PLEKHH2: variants seen among roughly 807,000 people sequenced by gnomAD.
PLEKHH2 encodes pleckstrin homology domain-containing family H member 2.
A neutral mutation model predicts 187.9 loss-of-function variants in PLEKHH2; 129 were observed. The observed-to-expected ratio is 0.69, with a 90% CI of 0.59 to 0.79. The LOEUF (loss-of-function observed/expected upper bound fraction) is 0.79, where lower values mean the gene tolerates loss of function less well. PLEKHH2 is among the 30% of genes least tolerant of loss of function. The pLI is 0.00. For synonymous variants in PLEKHH2, 686 were observed against 605.6 expected (o/e 1.13, Z -1.95); for missense variants, 2,076 against 1,751.2 (o/e 1.19, Z -3.31).
intron 19 of PLEKHH2, among the ~76,000 whole-genome samples, chr2:43,733,044 C>G (rs1415337547): frequency 6.6e-6 from 1 of 152,146 alleles, no homozygotes; most frequent in East Asian, 1.9e-4. Flanking sequence ...TAGAGGACAT[C>G]AGACATGACA....
intron 2 of PLEKHH2, among the ~76,000 whole-genome samples, chr2:43,672,641 G>A (rs376285156): frequency 3.9e-5 from 6 of 152,132 alleles, no homozygotes; most frequent in African/African-American, 1.4e-4. Flanking sequence ...TAATTTCACA[G>A]GTTATTTGAA....
chr2:43,743,914 G>A lies in PLEKHH2; in HGVS notation c.3480G>A (p.Ala1160=), dbSNP rs200204470. 5.6e-6 allele frequency: 9 copies of A among 1,613,890 alleles called. No individual in the cohort carries two copies. In the East Asian group the frequency reaches 6.7e-5, roughly 12 times the overall value. The change falls in exon 23 of 30, where the codon GCG becomes GCA. Residue 1160 remains alanine (A), a synonymous_variant. Coordinates refer to ENST00000282406, the MANE Select transcript of PLEKHH2 (RefSeq NM_172069.4). ...AGGACACAGGAATGAGGAAACCAGC[G>A]CAGTCTGGATTTGCGTTGTTCACTG... The part of the protein sequence containing the change: ...LNQDTGMRKP[A]QSGFALFTDD...
intron 1 of PLEKHH2, among the ~76,000 whole-genome samples, chr2:43,639,677 GAC>G (rs1703278884): frequency 9.9e-6 from 1 of 100,652 alleles, no homozygotes; most frequent in Non-Finnish European, 1.8e-5. Context: ...TTTTTTTTGA[GAC>G]AGAGTCTCAC....
At chr2:43,711,189 G>T in intron 14 of PLEKHH2, 1 of 985,488 alleles carries the variant, frequency 1.0e-6, no homozygotes. Context: ...CTTTATTTCT[G>T]AAATGTCTTC....
chr2:43,735,591 A>T (rs1671252937), intron 19 of PLEKHH2, among the ~76,000 whole-genome samples: 1 of 152,250 alleles, frequency 6.6e-6, no homozygotes, highest in African/African-American at 2.4e-5. Flanking sequence ...AATGTTCCCA[A>T]CACAAAGAAA....
At chr2:43,680,756 C>T (rs1358774372) in intron 3 of PLEKHH2, 3 of 394,394 alleles carry the variant, frequency 7.6e-6, no homozygotes, top group South Asian at 2.4e-5. Context: ...CTATATGTGG[C>T]AGCCGTACAA....
At chr2:43,711,646 C>T (rs891913653) in intron 14 of PLEKHH2, 7 of 850,966 alleles carry the variant, frequency 8.2e-6, no homozygotes, top group Non-Finnish European at 9.9e-6. Context: ...AATCTCAGCA[C>T]TTCAGGAGGC....
At chr2:43,716,415 T>C (rs1424426596) in intron 15 of PLEKHH2, among the ~76,000 whole-genome samples, 1 of 152,188 alleles carries the variant, frequency 6.6e-6, no homozygotes, top group East Asian at 1.9e-4. Flanking sequence ...GACAATGTTA[T>C]TTACTAAGAG....
intron 15 of PLEKHH2, among the ~76,000 whole-genome samples, chr2:43,720,278 ATCTTT>A (rs1260725182): frequency 1.0e-5 from 1 of 98,640 alleles, no homozygotes; most frequent in Non-Finnish European, 2.0e-5. Flanking sequence ...TAACAGGTAA[ATCTTT>A]TTTTTTTTTT....
Position 43,731,569 on chromosome 2 carries a change from A to C in PLEKHH2, c.2910A>C (p.Glu970Asp), listed in dbSNP as rs149630291. 4.1e-4 allele frequency: 655 copies of C among 1,594,576 alleles called. 2 individuals are homozygous for C. The African/African-American group carries it at 8.0e-3, about 19-fold the overall frequency. ...CCCCTCTGACAACTCTACCTTCCGA[A>C]GCCCTGCAGACAGAAGCTATTAAAT... is the stretch of plus-strand genomic sequence containing the variant. ...IISPLTTLPSEALQTEAIKLF... is the reference protein window; with the variant it reads ...IISPLTTLPSDALQTEAIKLF... Residue 970 changes from glutamate to aspartate, a missense_variant, in exon 19 of 30, where the codon GAA becomes GAC. Transcript: ENST00000282406.
rs1210926537 is a variant in PLEKHH2, at chr2:43,669,120, T to A, written c.124-9743T>A. The stretch of plus-strand genomic sequence containing the variant: ...ACTAAGGCCCCTACTTGGGCAAAGT[T>A]GAAGTTCATGGAGTTCCAGCAATCT... On this transcript the variant is annotated intron_variant, in intron 2 of 29. Coordinates refer to ENST00000282406, the MANE Select transcript of PLEKHH2 (RefSeq NM_172069.4). Among the ~76,000 whole-genome samples, 3 of 152,166 alleles carry A rather than the reference T, an allele frequency of 2.0e-5. No individual in the cohort carries two copies. The East Asian group carries it at 5.8e-4, about 29-fold the overall frequency.
At chr2:43,678,039 G>A (rs1356718005) in intron 2 of PLEKHH2, among the ~76,000 whole-genome samples, 32 of 151,394 alleles carry the variant, frequency 2.1e-4, no homozygotes, top group Admixed American at 1.5e-3. Flanking sequence ...CAGACGAGGC[G>A]GCCTGGCAGA....
chr2:43,741,717 C>T (rs73923865), intron 21 of PLEKHH2, among the ~76,000 whole-genome samples: 5,980 of 152,254 alleles, frequency 0.039, 217 homozygotes, highest in African/African-American at 0.092. Flanking sequence ...CCTCTGTGAT[C>T]AAGGTCATCT....
chr2:43,719,591 C>T (rs1344729735), intron 15 of PLEKHH2, among the ~76,000 whole-genome samples: 1 of 152,172 alleles, frequency 6.6e-6, no homozygotes, highest in African/African-American at 2.4e-5. Flanking sequence ...AGATGTCCAC[C>T]ACCACGCCTG....
chr2:43,674,309 C>A (rs1197926467), intron 2 of PLEKHH2, among the ~76,000 whole-genome samples: 1 of 152,042 alleles, frequency 6.6e-6, no homozygotes. Context: ...AAAATCCAGG[C>A]TAAGTAAGGC....
intron 16 of PLEKHH2, among the ~76,000 whole-genome samples, chr2:43,723,227 G>A (rs989758023): frequency 1.3e-5 from 2 of 152,106 alleles, no homozygotes; most frequent in Non-Finnish European, 1.5e-5. Flanking sequence ...TAGGAGAGGC[G>A]AAATTTTACC....
chr2:43,734,920 G>C (rs1247635060), intron 19 of PLEKHH2, among the ~76,000 whole-genome samples: 1 of 152,198 alleles, frequency 6.6e-6, no homozygotes, highest in African/African-American at 2.4e-5. Context: ...CCAGCACTTT[G>C]GGAGGCCAAG....
chr2:43,651,661 G>T (rs1007527875), intron 2 of PLEKHH2, among the ~76,000 whole-genome samples: 1 of 152,050 alleles, frequency 6.6e-6, no homozygotes, highest in Non-Finnish European at 1.5e-5. Context: ...AGCACCTGTG[G>T]TTCAACTAAA....
chr2:43,668,815 C>A (rs1185817797), intron 2 of PLEKHH2, among the ~76,000 whole-genome samples: 3 of 152,144 alleles, frequency 2.0e-5, no homozygotes, highest in Admixed American at 2.0e-4. Context: ...CCCAAAACAA[C>A]AACAATAATA....
Sources: gnomAD v4.1 joint callset for allele counts (sites outside exome capture counted in the v4.1 genomes callset) on GRCh38, gnomAD v4.1.1 for gene constraint, MANE v1.5 for transcripts, NCBI Gene and HGNC (gene_info 2026-07-23, HGNC 2026-07-21) for gene names.